Variants in MYO16 observed in about 807,000 individuals in gnomAD.
MYO16 encodes unconventional myosin-XVI.
In MYO16, 94 loss-of-function variants were observed where a neutral mutation model predicts 205.3. The ratio of observed to expected loss-of-function variants is 0.46; its 90% CI spans 0.39 to 0.54. The LOEUF is 0.54. MYO16 is among the 20% of genes least tolerant of loss of function. The pLI is 0.00. For synonymous variants in MYO16, 988 were observed against 954.0 expected, an observed-to-expected ratio of 1.04 and a Z score of -0.66; for missense variants, 2,315 against 2,387.5, an observed-to-expected ratio of 0.97 and a Z score of 0.63.
At chr13:108,855,580 C>A in intron 11 of MYO16, 27 bp downstream of exon 11, 2 of 1,442,922 alleles carry the variant, frequency 1.4e-6, no homozygotes, top group South Asian at 1.3e-5. Flanking sequence ...TTGCCTTTTG[C>A]ACTGTTTTTC....
chr13:108,667,594 C>T (rs1881797053), intron 2 of MYO16, among the ~76,000 whole-genome samples: 1 of 152,126 alleles, frequency 6.6e-6, no homozygotes. Flanking sequence ...AGGGTCATTG[C>T]TCCCTCCTGC....
At chr13:109,136,801 G>A (rs1440811534) in intron 31 of MYO16, among the ~76,000 whole-genome samples, 1 of 152,028 alleles carries the variant, frequency 6.6e-6, no homozygotes, top group Non-Finnish European at 1.5e-5. Flanking sequence ...ATGTCCCAAA[G>A]CAACTTCAAA....
intron 16 of MYO16, among the ~76,000 whole-genome samples, chr13:108,953,751 A>AT (rs981990402): frequency 6.6e-5 from 10 of 152,132 alleles, no homozygotes; most frequent in African/African-American, 2.4e-4. Context: ...AGTTTTTTTA[A>AT]TTCCCATTTT....
At chr13:108,773,271 C>T (rs1000593878) in intron 4 of MYO16, among the ~76,000 whole-genome samples, 3 of 152,002 alleles carry the variant, frequency 2.0e-5, no homozygotes, top group African/African-American at 4.8e-5. Flanking sequence ...ACATATAGTC[C>T]GTTGTATTAG....
intron 4 of MYO16, among the ~76,000 whole-genome samples, chr13:108,736,319 G>T (rs980345703): frequency 6.6e-6 from 1 of 152,160 alleles, no homozygotes; most frequent in Non-Finnish European, 1.5e-5. Flanking sequence ...ATTAATTTTT[G>T]TATAAGGTGT....
chr13:108,542,801 A>G, the MYO16 span, among the ~76,000 whole-genome samples: 1 of 152,026 alleles, frequency 6.6e-6, no homozygotes, highest in South Asian at 2.1e-4. Flanking sequence ...GAATCAGGGA[A>G]AATGTGAGAA....
At chr13:108,734,870 C>T (rs538811648) in intron 4 of MYO16, among the ~76,000 whole-genome samples, 40 of 152,242 alleles carry the variant, frequency 2.6e-4, no homozygotes, top group East Asian at 1.9e-4. Flanking sequence ...GCCACTAGGT[C>T]GCATGTGGAA....
At chr13:108,933,804 C>T (rs1057345063) in intron 16 of MYO16, among the ~76,000 whole-genome samples, 1 of 152,052 alleles carries the variant, frequency 6.6e-6, no homozygotes, top group African/African-American at 2.4e-5. Context: ...ATTTTTATTT[C>T]CATGAGCCCA....
intron 4 of MYO16, among the ~76,000 whole-genome samples, chr13:108,741,723 T>C (rs1035315381): frequency 1.3e-5 from 2 of 152,210 alleles, no homozygotes; most frequent in Non-Finnish European, 2.9e-5. Context: ...GAGAATCAAC[T>C]GTATTTATTA....
At chr13:109,098,632 A>G (rs545805943) in intron 27 of MYO16, among the ~76,000 whole-genome samples, 290 of 152,156 alleles carry the variant, frequency 1.9e-3, no homozygotes, top group Non-Finnish European at 3.3e-3. Flanking sequence ...TTTGCTGAGC[A>G]TACTTCTCAG....
At chr13:108,497,519 T>C in the MYO16 span, among the ~76,000 whole-genome samples, 1 of 152,202 alleles carries the variant, frequency 6.6e-6, no homozygotes, top group Admixed American at 6.5e-5. Flanking sequence ...CTATACTACT[T>C]GCTATAGACA....
chr13:108,908,743 G>T (rs1356475055), intron 15 of MYO16, among the ~76,000 whole-genome samples: 3 of 151,996 alleles, frequency 2.0e-5, no homozygotes, highest in Non-Finnish European at 4.4e-5. Context: ...GGAGGCCGAG[G>T]TGGGCAGATC....
intron 7 of MYO16, among the ~76,000 whole-genome samples, chr13:108,810,644 A>T (rs1365330905): frequency 7.0e-6 from 1 of 141,918 alleles, no homozygotes; most frequent in African/African-American, 2.5e-5. Context: ...ATATCAATTT[A>T]TATGCATGGA....
intron 20 of MYO16, among the ~76,000 whole-genome samples, chr13:108,975,587 A>G (rs1478555155): frequency 6.6e-6 from 1 of 152,082 alleles, no homozygotes; most frequent in African/African-American, 2.4e-5. Flanking sequence ...TTGTTTTGGA[A>G]AATCTCAAAA....
At chr13:108,820,282 T>A in intron 7 of MYO16, 55 bp from the exon 8 acceptor site, 5 of 1,288,800 alleles carry the variant, frequency 3.9e-6, no homozygotes, top group Non-Finnish European at 5.5e-6. Context: ...GACTTACTGA[T>A]GTATCCTAGC....
intron 13 of MYO16, among the ~76,000 whole-genome samples, chr13:108,884,368 C>T (rs987289483): frequency 3.3e-5 from 5 of 152,226 alleles, no homozygotes; most frequent in Non-Finnish European, 5.9e-5. Flanking sequence ...AGATGCATCC[C>T]AAGGATGAGG....
chr13:108,754,152 C>T (rs925765131), intron 4 of MYO16, among the ~76,000 whole-genome samples: 6 of 151,922 alleles, frequency 3.9e-5, no homozygotes. Context: ...CTGTAGCATG[C>T]AGGACAAGTT....
At chr13:109,035,949 T>G (rs1344189936) in intron 23 of MYO16, among the ~76,000 whole-genome samples, 1 of 152,214 alleles carries the variant, frequency 6.6e-6, no homozygotes, top group Admixed American at 6.5e-5. Context: ...AGCATTTGCA[T>G]TTTTATTAAA....
At position 109,127,236 on chromosome 13, in the gene MYO16, T is replaced by C. The variant is rs766806622; in HGVS notation, c.3783-46T>C. 3.3e-6 allele frequency: 5 copies of C among 1,526,472 alleles called. No individual in the cohort carries two copies. The South Asian group carries it at 6.4e-5, about 19-fold the overall frequency. 94.6% of individuals were successfully genotyped at this position (1,526,472 alleles called of 1,614,324 possible). A position where few individuals can be genotyped will look rare whatever the true frequency, so the allele number is the denominator to read the frequency against. On this transcript the variant is annotated intron_variant, in intron 30 of 34. Transcript: ENST00000457511. This position sits in a 1 kb window ranked among gnomAD's most constrained non-coding sequence, Gnocchi z 4.2. Reference sequence around the variant, plus strand: ...TTCCTTGTTACCGGAATAATGCATCTGGGCCTCTCTGGCGTGGTGCTGTTT... The same window carrying C: ...TTCCTTGTTACCGGAATAATGCATCCGGGCCTCTCTGGCGTGGTGCTGTTT...
Sources: allele counts gnomAD v4.1 joint callset (sites outside exome capture counted in the v4.1 genomes callset), GRCh38; gene constraint gnomAD v4.1.1; non-coding constraint Gnocchi (gnomAD v3.1); transcripts MANE v1.5; gene names NCBI Gene and HGNC (gene_info 2026-07-23, HGNC 2026-07-21).